COL5A1: variants seen among roughly 807,000 people sequenced by gnomAD.
COL5A1 encodes the protein collagen alpha-1(V) chain.
COL5A1 carries 16 observed loss-of-function variants against 263.7 expected under a neutral mutation model. The observed-to-expected ratio is 0.06, with a 90% CI of 0.04 to 0.09. The LOEUF (loss-of-function observed/expected upper bound fraction) is 0.09, where lower values mean the gene tolerates loss of function less well. COL5A1 is among the 10% of genes least tolerant of loss of function. The pLI is 1.00. For missense variants in COL5A1, 2,036 were observed against 2,540.5 expected (o/e 0.80, Z 4.27); for synonymous variants, 1,012 against 1,004.5 (o/e 1.01, Z -0.14).
At chr9:134,706,344 T>G (rs4552987) in intron 4 of COL5A1, among the ~76,000 whole-genome samples, 1 of 152,064 alleles carries the variant, frequency 6.6e-6, no homozygotes, top group Admixed American at 6.5e-5. Context: ...GGGGCTGGGC[T>G]CCCCCCAGTG....
intron 1 of COL5A1, among the ~76,000 whole-genome samples, chr9:134,654,658 GTGTGTGTAGGGCTGT>G (rs1183442973): frequency 2.3e-5 from 3 of 130,782 alleles, no homozygotes; most frequent in Non-Finnish European, 3.3e-5. Flanking sequence ...TGTAGGGCTG[GTGTGTGTAGGGCTGT>G]AGGTGTGTAG....
chr9:134,836,135 G>A (rs1045666312), intron 65 of COL5A1, among the ~76,000 whole-genome samples: 3 of 152,176 alleles, frequency 2.0e-5, no homozygotes, highest in Non-Finnish European at 1.5e-5. Flanking sequence ...AGAAAGGCAC[G>A]CCTGAGGCCG....
Position 134,819,145 on chromosome 9 carries a change from A to T in COL5A1, c.4446+92A>T. ...AAACTCAACAAGCTCTTGATCCGTC[A>T]CCTAAATGTGTCAAGCACCTGCTGC... On this transcript the variant is annotated intron_variant, in intron 57 of 65. Transcript: ENST00000371817. 5.2e-6 allele frequency: 7 copies of T among 1,351,860 alleles called. No homozygotes were observed. In the South Asian group the frequency reaches 5.9e-5, roughly 11 times the overall value. The allele number at this position is 1,351,860 out of a possible 1,614,324, so 83.7% of individuals were successfully genotyped here.
intron 1 of COL5A1, among the ~76,000 whole-genome samples, chr9:134,687,953 A>C (rs1429320361): frequency 1.3e-5 from 2 of 152,174 alleles, no homozygotes; most frequent in Non-Finnish European, 2.9e-5. Context: ...CCTGTCCCCA[A>C]AGCTTGTGCT....
chr9:134,728,370 G>A (rs1834734588), intron 5 of COL5A1, among the ~76,000 whole-genome samples: 1 of 152,274 alleles, frequency 6.6e-6, no homozygotes, highest in Non-Finnish European at 1.5e-5. Context: ...TCTGTTGGTT[G>A]TTCTGGCCTG....
intron 1 of COL5A1, among the ~76,000 whole-genome samples, chr9:134,648,505 C>T (rs1321787479): frequency 1.3e-5 from 2 of 151,932 alleles, no homozygotes; most frequent in African/African-American, 2.4e-5. Context: ...CCAGTGTCTA[C>T]CAGCAGTGCA....
chr9:134,679,594 GTT>G lies in COL5A1; in HGVS notation c.110-11317_110-11316del, dbSNP rs1228235889. On this transcript the variant is annotated intron_variant, in intron 1 of 65. Transcript: ENST00000371817. ...GCTGGCTAGGGGCACTGTGGGGCTG[GTT>G]GGGCACTGCGGGGCTGGTTGGGGGC... is the stretch of plus-strand genomic sequence containing the variant. Among the ~76,000 whole-genome samples, 456 of 78,034 alleles carry G rather than the reference GTT, an allele frequency of 5.8e-3. 68 individuals are homozygous for G. Among genetic ancestry groups the G allele is most frequent in the South Asian group, 8.7e-3 (14 of 1,616 alleles). The allele number at this position is 78,034 out of a possible 152,430, so 51.2% of individuals were successfully genotyped here.
At position 134,842,532 on chromosome 9, in the gene COL5A1, C is replaced by G; in HGVS notation, c.*229C>G. 1 of 613,808 alleles carries G rather than the reference C, an allele frequency of 1.6e-6. No homozygotes were observed. Among genetic ancestry groups the G allele is most frequent in the Non-Finnish European group, 2.9e-6 (1 of 347,342 alleles). 38.0% of individuals were successfully genotyped at this position (613,808 alleles called of 1,614,324 possible). A position where few individuals can be genotyped will look rare whatever the true frequency, so the allele number is the denominator to read the frequency against. On this transcript the variant is annotated 3_prime_UTR_variant, in exon 66 of 66. Coordinates refer to ENST00000371817, the MANE Select transcript of COL5A1 (RefSeq NM_000093.5). The surrounding 1 kb of genome is among the most constrained non-coding windows in gnomAD (Gnocchi z 5.8). Reference sequence around the variant, plus strand: ...CTGAATCACATGACCTAGCTGCACCCCAGCGCCTGGGCCCGCCCCACGCTC... The same window carrying G: ...CTGAATCACATGACCTAGCTGCACCGCAGCGCCTGGGCCCGCCCCACGCTC...
Position 134,842,361 on chromosome 9 carries a change from C to T in COL5A1, c.*58C>T, listed in dbSNP as rs56259444. On this transcript the variant is annotated 3_prime_UTR_variant, in exon 66 of 66. Coordinates refer to ENST00000371817, the MANE Select transcript of COL5A1 (RefSeq NM_000093.5). The surrounding 1 kb of genome is among the most constrained non-coding windows in gnomAD (Gnocchi z 5.8). ...TCGTGACCTCAGCATGCCATTCGTT[C>T]GTGAGTGTCCCGTGCACGTCCTGAC... is the stretch of plus-strand genomic sequence containing the variant. The T allele has an allele frequency of 2.6e-3, 4,154 of 1,599,766 alleles. 18 individuals are homozygous for T. Among genetic ancestry groups the T allele is most frequent in the South Asian group, 3.3e-3 (297 of 90,048 alleles).
At position 134,826,829 on chromosome 9, in the gene COL5A1, G is replaced by A. The variant is rs909612814; in HGVS notation, c.5067+925G>A. Among the ~76,000 whole-genome samples the A allele has an allele frequency of 2.1e-4, 32 of 151,472 alleles. 1 individual carries two copies. Among genetic ancestry groups the A allele is most frequent in the Non-Finnish European group, 4.6e-4 (31 of 67,752 alleles). ...GCAGGTGTGTGGGTGTGTGGCTGGT[G>A]TGTGGATGTGTATATGGTGTGTGGG... On this transcript the variant is annotated intron_variant, in intron 63 of 65. Transcript: ENST00000371817.
At chr9:134,646,058 G>C (rs909565983) in intron 1 of COL5A1, among the ~76,000 whole-genome samples, 2 of 151,458 alleles carry the variant, frequency 1.3e-5, no homozygotes, top group African/African-American at 4.9e-5. Context: ...GTGCCTTCAA[G>C]AGGGATGCAG....
Position 134,758,375 on chromosome 9 carries a change from CA to C in COL5A1, c.1935+80del. The C allele has an allele frequency of 6.9e-7, 1 of 1,459,706 alleles. No individual in the cohort carries two copies. The highest frequency in any genetic ancestry group is 9.6e-7 in the Non-Finnish European group (1 of 1,042,518). The allele number at this position is 1,459,706 out of a possible 1,614,324, so 90.4% of individuals were successfully genotyped here. ...CTCGGGAGGCCCTTCTCCTTCCAGG[CA>C]GCCTCAGATTTCCTGTGGGGTCAGG... is the stretch of plus-strand genomic sequence containing the variant. On this transcript the variant is annotated intron_variant, in intron 18 of 65. Transcript: ENST00000371817. This position sits in a 1 kb window ranked among gnomAD's most constrained non-coding sequence, Gnocchi z 4.1.
rs1446838501 is a variant in COL5A1, at chr9:134,741,672, C to G, written c.1494+2864C>G. Among the ~76,000 whole-genome samples, 2 of 152,078 alleles carry G rather than the reference C, an allele frequency of 1.3e-5. No individual in the cohort carries two copies. Among genetic ancestry groups the G allele is most frequent in the African/African-American group, 2.4e-5 (1 of 41,386 alleles). ...AGGCAGAAGAGGGGAGGTAAGAGAA[C>G]TCTTCTTGCGTCCGTCGATTCTTAC... On this transcript the variant is annotated intron_variant, in intron 11 of 65. Coordinates refer to ENST00000371817, the MANE Select transcript of COL5A1 (RefSeq NM_000093.5). This position sits in a 1 kb window ranked among gnomAD's most constrained non-coding sequence, Gnocchi z 4.5.
At chr9:134,679,852 A>T (rs1037247468) in intron 1 of COL5A1, among the ~76,000 whole-genome samples, 1 of 151,936 alleles carries the variant, frequency 6.6e-6, no homozygotes, top group Admixed American at 6.5e-5. Context: ...CCCCACTGCC[A>T]ATATGTCCCT....
chr9:134,806,638 T>A (rs1359094328), intron 42 of COL5A1, among the ~76,000 whole-genome samples: 2 of 152,202 alleles, frequency 1.3e-5, no homozygotes, highest in Non-Finnish European at 2.9e-5. Flanking sequence ...AGACAGTCAG[T>A]GCGCTGTGGA....
At chr9:134,816,539 C>CG (rs925542942) in intron 52 of COL5A1, among the ~76,000 whole-genome samples, 1 of 152,244 alleles carries the variant, frequency 6.6e-6, no homozygotes, top group South Asian at 2.1e-4. Context: ...TGGCCAAGCG[C>CG]GGGGGACTGC....
At position 134,841,050 on chromosome 9, in the gene COL5A1, G is replaced by T. The variant is rs553666127; in HGVS notation, c.5371-1107G>T. Among the ~76,000 whole-genome samples the T allele has an allele frequency of 6.6e-6, 1 of 152,222 alleles. No individual in the cohort carries two copies. The highest frequency in any genetic ancestry group is 1.5e-5 in the Non-Finnish European group (1 of 68,038). ...GGGAGTCTGCGCTGGGCCCTCTGCA[G>T]GGCTGCATCCTGGGGTCACTGCCTC... On this transcript the variant is annotated intron_variant, in intron 65 of 65. Transcript: ENST00000371817. This position sits in a 1 kb window ranked among gnomAD's most constrained non-coding sequence, Gnocchi z 4.8.
intron 52 of COL5A1, 24 bp from the exon 53 acceptor site, chr9:134,817,002 C>G (rs763294321): frequency 1.4e-5 from 22 of 1,612,198 alleles, no homozygotes; most frequent in Non-Finnish European, 1.8e-5. Flanking sequence ...ATTCCTCACA[C>G]TCTGTTCTTT....
intron 29 of COL5A1, 123 bp from the exon 30 acceptor site, chr9:134,784,866 T>C: frequency 1.3e-6 from 1 of 781,114 alleles, no homozygotes; most frequent in Non-Finnish European, 2.2e-6. Flanking sequence ...GCCGAGCTGG[T>C]GGAGCAGCTC....
Sources: gnomAD v4.1 joint callset for allele counts (sites outside exome capture counted in the v4.1 genomes callset) on GRCh38, gnomAD v4.1.1 for gene constraint, Gnocchi (gnomAD v3.1) non-coding constraint, MANE v1.5 for transcripts, NCBI Gene and HGNC (gene_info 2026-07-23, HGNC 2026-07-21) for gene names.